Variants in TRIM36 observed in about 807,000 individuals in gnomAD.
The protein encoded by TRIM36 is E3 ubiquitin-protein ligase TRIM36.
TRIM36 carries 42 observed loss-of-function variants against 72.4 expected under a neutral mutation model. The observed-to-expected ratio is 0.58, with a 90% CI of 0.45 to 0.75. The LOEUF is 0.75. Ranked by LOEUF, TRIM36 falls within the 30% of genes least tolerant of loss-of-function variation. The pLI is 0.00. For synonymous variants in TRIM36, 315 were observed against 282.8 expected (o/e 1.11, Z -1.14); for missense variants, 913 against 857.1 (o/e 1.07, Z -0.81).
rs1248932435 is a variant in TRIM36, at chr5:115,126,536, T to C, written c.2118A>G (p.Thr706=). The change falls in exon 10 of 10, where the codon ACA becomes ACG. Residue 706 remains threonine (T), a synonymous_variant. Transcript: ENST00000513154. ...CCTCTTGGTATTCCAGATATTTTGC[T>C]GTGATGGGTTCTTCAAGCTGAATTC... The part of the protein sequence containing the change: ...SGGIQLEEPI[T]AKYLEYQEDM The C allele has an allele frequency of 1.2e-6, 2 of 1,610,350 alleles. No homozygotes were observed. The highest frequency in any genetic ancestry group is 1.3e-5 in the African/African-American group (1 of 74,872).
chr5:115,144,503 G>T, intron 4 of TRIM36, 95 bp downstream of exon 4: 4 of 1,432,466 alleles, frequency 2.8e-6, no homozygotes, highest in South Asian at 2.5e-5. Flanking sequence ...GTACAAAAGA[G>T]ACCATATAAC....
chr5:115,144,168 T>G (rs1261458034), intron 4 of TRIM36, among the ~76,000 whole-genome samples: 2 of 152,090 alleles, frequency 1.3e-5, no homozygotes, highest in African/African-American at 4.8e-5. Flanking sequence ...GCCACGGAAG[T>G]AATTCAGTTT....
chr5:115,146,242 T>C (rs1753586348), intron 3 of TRIM36, among the ~76,000 whole-genome samples: 1 of 152,212 alleles, frequency 6.6e-6, no homozygotes, highest in African/African-American at 2.4e-5. Context: ...AATCTACCAA[T>C]CCTTTACTAT....
rs530365354 is a variant in TRIM36, at chr5:115,169,681, G to T, written c.-47C>A. 1.3e-6 allele frequency: 2 copies of T among 1,513,740 alleles called. No individual in the cohort carries two copies. The highest frequency in any genetic ancestry group is 1.8e-6 in the Non-Finnish European group (2 of 1,134,988). The allele number at this position is 1,513,740 out of a possible 1,614,324, so 93.8% of individuals were successfully genotyped here. On this transcript the variant is annotated 5_prime_UTR_variant, in exon 1 of 10. Transcript: ENST00000513154. Reference sequence around the variant, plus strand: ...ATCAGCGGCACGTTCCACTCACACCGGCTACCGAGCGCAGGGTCTGGTGGG... The same window carrying T: ...ATCAGCGGCACGTTCCACTCACACCTGCTACCGAGCGCAGGGTCTGGTGGG...
intron 1 of TRIM36, 46 bp downstream of exon 1, chr5:115,169,562 G>T (rs1315390967): frequency 1.3e-6 from 2 of 1,491,080 alleles, no homozygotes; most frequent in Non-Finnish European, 1.8e-6. Flanking sequence ...AGCCGCGGTC[G>T]GCACACCGCC....
rs113012392 is a variant in TRIM36 at position 115,137,409 on chromosome 5, T to C, written c.1039A>G (p.Thr347Ala). Residue 347 changes from threonine to alanine, a missense_variant, in exon 6 of 10, where the codon ACA becomes GCA. Physicochemically the swap from Thr to Ala is moderately conservative, Grantham distance 58. Transcript: ENST00000513154. ...VGYAQEVLKE[T>A]DQSCFVQTAK... Reference sequence around the variant, plus strand: ...GTCTGCACAAAGCAAGACTGATCTGTCTCCTTTAGCACTTCTTGAGCATAT... The same window carrying C: ...GTCTGCACAAAGCAAGACTGATCTGCCTCCTTTAGCACTTCTTGAGCATAT... The C allele has an allele frequency of 6.2e-7, 1 of 1,614,030 alleles. No individual in the cohort carries two copies. Among genetic ancestry groups the C allele is most frequent in the Non-Finnish European group, 8.5e-7 (1 of 1,179,974 alleles).
intron 2 of TRIM36, among the ~76,000 whole-genome samples, chr5:115,153,183 G>C (rs1753986818): frequency 6.6e-6 from 1 of 152,074 alleles, no homozygotes; most frequent in African/African-American, 2.4e-5. Flanking sequence ...TAAGGTAAAG[G>C]GGTGGAAAAA....
chr5:115,156,579 T>C (rs1477428566), intron 2 of TRIM36, among the ~76,000 whole-genome samples: 4 of 152,206 alleles, frequency 2.6e-5, no homozygotes, highest in African/African-American at 7.2e-5. Flanking sequence ...GGACATCCTT[T>C]TCAAGAAATG....
chr5:115,159,756 C>T (rs1384670211), intron 2 of TRIM36: 1 of 424,792 alleles, frequency 2.4e-6, no homozygotes, highest in Non-Finnish European at 4.6e-6. Context: ...AAAGCGGTAA[C>T]TGTGTCCTGA....
intron 2 of TRIM36, among the ~76,000 whole-genome samples, chr5:115,157,094 C>T (rs1754212340): frequency 6.7e-6 from 1 of 150,342 alleles, no homozygotes; most frequent in African/African-American, 2.5e-5. Context: ...CAAGGAGATG[C>T]AAATCAAAAC....
chr5:115,163,007 G>C (rs1033891839), intron 2 of TRIM36, among the ~76,000 whole-genome samples: 1 of 151,354 alleles, frequency 6.6e-6, no homozygotes, highest in Non-Finnish European at 1.5e-5. Flanking sequence ...GCCCAGGCTG[G>C]AGTGCAATGG....
chr5:115,170,644 C>A (rs757455191), upstream of TRIM36, among the ~76,000 whole-genome samples: 15 of 152,240 alleles, frequency 9.9e-5, no homozygotes, highest in Non-Finnish European at 2.1e-4. Context: ...TGCTTCTATA[C>A]CCCCAAGTCG....
intron 8 of TRIM36, 108 bp downstream of exon 8, chr5:115,133,752 C>T: frequency 8.8e-7 from 1 of 1,135,624 alleles, no homozygotes; most frequent in Non-Finnish European, 1.2e-6. Context: ...CTTTTAAAAA[C>T]AAGAGCTGGT....
intron 1 of TRIM36, among the ~76,000 whole-genome samples, chr5:115,176,749 G>A (rs965762217): frequency 6.6e-6 from 1 of 152,102 alleles, no homozygotes; most frequent in East Asian, 1.9e-4. Flanking sequence ...ATACTGCTTT[G>A]AGTAACCTTA....
intron 2 of TRIM36, among the ~76,000 whole-genome samples, chr5:115,152,903 C>T (rs1031988360): frequency 6.6e-6 from 1 of 152,076 alleles, no homozygotes; most frequent in African/African-American, 2.4e-5. Context: ...CGCATCAAAA[C>T]AGAACCTCTT....
chr5:115,151,779 A>C (rs1394404433), intron 2 of TRIM36, among the ~76,000 whole-genome samples: 1 of 152,182 alleles, frequency 6.6e-6, no homozygotes, highest in Non-Finnish European at 1.5e-5. Flanking sequence ...TCCAGAAGAG[A>C]GAACAATCAC....
intron 2 of TRIM36, among the ~76,000 whole-genome samples, chr5:115,150,208 T>A (rs1189575183): frequency 6.6e-6 from 1 of 152,162 alleles, no homozygotes; most frequent in Non-Finnish European, 1.5e-5. Flanking sequence ...GTAATATCCT[T>A]AATGAAAAAA....
At position 115,133,960 on chromosome 5, in the gene TRIM36, C is replaced by CA; in HGVS notation, c.1397dup (p.Leu466PhefsTer5). 1 of 1,613,842 alleles carries CA rather than the reference C, an allele frequency of 6.2e-7. No individual in the cohort carries two copies. Among genetic ancestry groups the CA allele is most frequent in the Non-Finnish European group, 8.5e-7 (1 of 1,179,872 alleles). On this transcript the variant is annotated frameshift_variant, in exon 8 of 10. Coordinates refer to ENST00000513154, the MANE Select transcript of TRIM36 (RefSeq NM_001300759.2). LOFTEE classifies it high-confidence loss of function. ...TGAAAGCATAGGTACTACTGTTTTCCAAGTCTTGAATTATTTTACTTGTTC... is the reference window on the plus strand; with the variant it reads ...TGAAAGCATAGGTACTACTGTTTTCCAAAGTCTTGAATTATTTTACTTGTTC...
intron 1 of TRIM36, among the ~76,000 whole-genome samples, chr5:115,164,909 T>C (rs928374721): frequency 2.6e-5 from 4 of 152,234 alleles, no homozygotes; most frequent in East Asian, 1.9e-4. Flanking sequence ...TGTACAGGCA[T>C]TGGACAAATG....
Sources: allele counts gnomAD v4.1 joint callset (sites outside exome capture counted in the v4.1 genomes callset), GRCh38; gene constraint gnomAD v4.1.1; transcripts MANE v1.5; gene names NCBI Gene and HGNC (gene_info 2026-07-23, HGNC 2026-07-21).